The following OPCML variants were observed in gnomAD, a reference collection of about 807,000 sequenced individuals.
The protein encoded by OPCML is opioid-binding protein/cell adhesion molecule.
Under a neutral mutation model 37.8 loss-of-function variants are expected in OPCML, and 13 were observed. The observed-to-expected ratio is 0.34, with a 90% CI of 0.22 to 0.55. The LOEUF is 0.55. Ranked by LOEUF, OPCML falls within the 20% of genes least tolerant of loss-of-function variation. The probability of loss-of-function intolerance (pLI) is 0.91; values close to 1 mark genes in which losing one functional copy is unlikely to be tolerated. For synonymous variants in OPCML, 176 were observed against 168.8 expected, an observed-to-expected ratio of 1.04 and a Z score of -0.33; for missense variants, 341 against 435.6, an observed-to-expected ratio of 0.78 and a Z score of 1.93.
At chr11:133,216,147 G>A (rs1009009769) in intron 1 of OPCML, among the ~76,000 whole-genome samples, 3 of 152,164 alleles carry the variant, frequency 2.0e-5, no homozygotes, top group Admixed American at 6.5e-5. Context: ...TCGGATTCCC[G>A]TATGTGATTG....
At chr11:132,869,297 A>G (rs1942701291) in intron 2 of OPCML, among the ~76,000 whole-genome samples, 1 of 152,192 alleles carries the variant, frequency 6.6e-6, no homozygotes, top group Admixed American at 6.5e-5. Context: ...ATGCCCATCC[A>G]GGTGACAGCC....
intron 2 of OPCML, among the ~76,000 whole-genome samples, chr11:132,767,698 A>T (rs1946499788): frequency 6.6e-6 from 1 of 152,208 alleles, no homozygotes; most frequent in South Asian, 2.1e-4. Flanking sequence ...TCACTTAATT[A>T]CATAATTTAC....
intron 1 of OPCML, among the ~76,000 whole-genome samples, chr11:132,953,183 G>T (rs774375174): frequency 1.3e-5 from 2 of 152,092 alleles, no homozygotes; most frequent in Non-Finnish European, 2.9e-5. Context: ...CCCGAGAACA[G>T]AGTTTTTATT....
At chr11:132,798,074 T>G (rs990092413) in intron 2 of OPCML, among the ~76,000 whole-genome samples, 3 of 152,186 alleles carry the variant, frequency 2.0e-5, no homozygotes, top group Non-Finnish European at 4.4e-5. Flanking sequence ...TTATTTTTAT[T>G]TTTGTTTTAT....
intron 1 of OPCML, chr11:133,005,930 T>A: frequency 1.0e-6 from 1 of 985,380 alleles, no homozygotes; most frequent in Non-Finnish European, 1.2e-6. Context: ...TCAGACTAAA[T>A]TTAGGCTCAT....
intron 1 of OPCML, among the ~76,000 whole-genome samples, chr11:133,044,062 C>A (rs1947958562): frequency 6.6e-6 from 1 of 152,158 alleles, no homozygotes; most frequent in Non-Finnish European, 1.5e-5. Flanking sequence ...ATGCTATGAT[C>A]TTTGCTATCC....
At chr11:133,204,850 T>TTA (rs1250610293) in intron 1 of OPCML, among the ~76,000 whole-genome samples, 3,082 of 123,552 alleles carry the variant, frequency 0.025, 176 homozygotes, top group African/African-American at 0.082. Context: ...TTGTGATCTA[T>TTA]TATATATATA....
intron 3 of OPCML, among the ~76,000 whole-genome samples, chr11:132,585,539 A>G (rs79994363): frequency 0.12 from 19,000 of 152,190 alleles, 1,720 homozygotes; most frequent in East Asian, 0.44. Flanking sequence ...TGAGTCCAAA[A>G]CAACAGCCCC....
At chr11:133,329,967 A>G (rs183457672) in intron 1 of OPCML, among the ~76,000 whole-genome samples, 1,575 of 152,342 alleles carry the variant, frequency 0.01, 5 homozygotes, top group Middle Eastern at 0.017. Context: ...TCCAGAATCT[A>G]CAATGAACTC....
chr11:133,355,278 C>T (rs185970451), intron 1 of OPCML, among the ~76,000 whole-genome samples: 45 of 152,320 alleles, frequency 3.0e-4, no homozygotes, highest in African/African-American at 1.0e-3. Context: ...TCTGTTGCAG[C>T]TCATCCTCCT....
chr11:132,433,328 G>T (rs949132575), intron 7 of OPCML, among the ~76,000 whole-genome samples: 3 of 152,164 alleles, frequency 2.0e-5, no homozygotes, highest in African/African-American at 7.2e-5. Flanking sequence ...ATGTCCACAG[G>T]TCAGAAAATA....
At chr11:132,757,440 C>G (rs990781191) in intron 2 of OPCML, among the ~76,000 whole-genome samples, 2 of 152,238 alleles carry the variant, frequency 1.3e-5, no homozygotes, top group Non-Finnish European at 2.9e-5. Flanking sequence ...GTTCCTATTT[C>G]TCCACATCCT....
chr11:133,170,243 G>T (rs143207404), intron 1 of OPCML, among the ~76,000 whole-genome samples: 1 of 152,216 alleles, frequency 6.6e-6, no homozygotes, highest in Non-Finnish European at 1.5e-5. Flanking sequence ...TTGTGAGGCC[G>T]AGGCGGGCAG....
chr11:132,865,647 T>C (rs962825742), intron 2 of OPCML, among the ~76,000 whole-genome samples: 2 of 152,144 alleles, frequency 1.3e-5, no homozygotes, highest in African/African-American at 4.8e-5. Context: ...CTCTGTAGAC[T>C]TGGACCTAGC....
At chr11:132,665,533 T>C (rs535521477) in intron 2 of OPCML, among the ~76,000 whole-genome samples, 2 of 152,310 alleles carry the variant, frequency 1.3e-5, no homozygotes, top group East Asian at 3.9e-4. Flanking sequence ...AGAAATTGCT[T>C]ACAACTACAG....
chr11:133,031,926 CA>C (rs1947681875), intron 1 of OPCML, among the ~76,000 whole-genome samples: 1 of 152,130 alleles, frequency 6.6e-6, no homozygotes, highest in Admixed American at 6.5e-5. Context: ...TCTTCTATGC[CA>C]AACACAGTGC....
At chr11:132,926,418 C>T (rs530638238) in intron 2 of OPCML, among the ~76,000 whole-genome samples, 1 of 152,110 alleles carries the variant, frequency 6.6e-6, no homozygotes, top group Non-Finnish European at 1.5e-5. Context: ...CATTTAAGGC[C>T]CCTGAGAAGA....
intron 2 of OPCML, among the ~76,000 whole-genome samples, chr11:132,922,747 C>T (rs1944849674): frequency 6.6e-6 from 1 of 152,032 alleles, no homozygotes; most frequent in Non-Finnish European, 1.5e-5. Context: ...AAATATTTTC[C>T]CTCCCAGGAA....
chr11:133,288,687 C>T (rs956123826), intron 1 of OPCML, among the ~76,000 whole-genome samples: 9 of 152,058 alleles, frequency 5.9e-5, no homozygotes, highest in Middle Eastern at 3.2e-3. Flanking sequence ...TTGGGGGTGC[C>T]GAGGGAAAAG....
Sources: allele counts gnomAD v4.1 joint callset (sites outside exome capture counted in the v4.1 genomes callset), GRCh38; gene constraint gnomAD v4.1.1; transcripts MANE v1.5; gene names NCBI Gene and HGNC (gene_info 2026-07-23, HGNC 2026-07-21).